Variants in MCTP1 observed in about 807,000 individuals in gnomAD.
MCTP1 encodes the protein multiple C2 and transmembrane domain containing 1.
MCTP1 carries 69 observed loss-of-function variants against 120.6 expected under a neutral mutation model. That is an observed-to-expected ratio of 0.57 (90% CI 0.47 to 0.70). The LOEUF (loss-of-function observed/expected upper bound fraction) is 0.70. MCTP1 is among the 30% of genes least tolerant of loss of function. The pLI is 0.00. For missense variants in MCTP1, 1,203 were observed against 1,248.8 expected, an observed-to-expected ratio of 0.96 and a Z score of 0.55; for synonymous variants, 529 against 493.1, an observed-to-expected ratio of 1.07 and a Z score of -0.96.
At chr5:94,932,213 TAAAAAAAAA>T (rs368203326) in intron 5 of MCTP1, among the ~76,000 whole-genome samples, 4 of 95,840 alleles carry the variant, frequency 4.2e-5, no homozygotes, top group African/African-American at 1.6e-4. Context: ...TATTCCTTTG[TAAAAAAAAA>T]AAAAAAAAAA....
In MCTP1 at chr5:95,096,756, A is replaced by T. The variant is rs1266867551; in HGVS notation, c.721-79272T>A. ...CCATAAAAGGCCTGAAATGCCTTTT[A>T]TGCCTGAAAGGGCAGGATTTTAACT... On this transcript the variant is annotated intron_variant, in intron 1 of 22. Transcript: ENST00000515393. Among the ~76,000 whole-genome samples the T allele has an allele frequency of 2.6e-5, 4 of 152,332 alleles. No individual in the cohort carries two copies. The East Asian group carries it at 7.7e-4, about 29-fold the overall frequency.
intron 12 of MCTP1, among the ~76,000 whole-genome samples, chr5:94,880,988 T>G (rs368279032): frequency 7.2e-5 from 11 of 152,260 alleles, no homozygotes; most frequent in South Asian, 6.2e-4. Flanking sequence ...ACACTGTGGA[T>G]GGCTTGCTGA....
At chr5:95,154,968 A>T (rs1337836999) in intron 1 of MCTP1, among the ~76,000 whole-genome samples, 4 of 152,152 alleles carry the variant, frequency 2.6e-5, no homozygotes, top group East Asian at 3.8e-4. Flanking sequence ...TTTATGATGA[A>T]GAGCACGGTT....
chr5:95,270,032 A>G (rs865943609), intron 1 of MCTP1, among the ~76,000 whole-genome samples: 40 of 152,222 alleles, frequency 2.6e-4, no homozygotes, highest in African/African-American at 8.7e-4. Flanking sequence ...GCTATAGAAT[A>G]TAGAAAATGA....
intron 1 of MCTP1, among the ~76,000 whole-genome samples, chr5:95,058,036 C>A (rs1747886204): frequency 6.6e-6 from 1 of 152,162 alleles, no homozygotes; most frequent in Admixed American, 6.5e-5. Context: ...AAAACCTAAC[C>A]AGGCTTCTCA....
chr5:94,840,620 A>G (rs1790808648), intron 17 of MCTP1, among the ~76,000 whole-genome samples: 1 of 152,096 alleles, frequency 6.6e-6, no homozygotes, highest in Admixed American at 6.6e-5. Context: ...AAGATCTCAC[A>G]CTTAGTAATC....
intron 2 of MCTP1, among the ~76,000 whole-genome samples, chr5:95,009,476 T>C (rs938381211): frequency 4.6e-5 from 7 of 151,946 alleles, no homozygotes; most frequent in Non-Finnish European, 7.4e-5. Flanking sequence ...CACAATTTCA[T>C]AGGGCTGCCA....
At chr5:94,827,703 T>C (rs1156801306) in intron 17 of MCTP1, among the ~76,000 whole-genome samples, 1 of 151,894 alleles carries the variant, frequency 6.6e-6, no homozygotes, top group Non-Finnish European at 1.5e-5. Flanking sequence ...TTCACTTTTT[T>C]TTCATTAAGT....
rs151182035 is a variant in MCTP1 at position 95,164,627 on chromosome 5, A to G, written c.720+119229T>C. Among the ~76,000 whole-genome samples, 232 of 152,348 alleles carry G rather than the reference A, an allele frequency of 1.5e-3. 2 individuals carry two copies. Among genetic ancestry groups the G allele is most frequent in the African/African-American group, 5.3e-3 (221 of 41,582 alleles). On this transcript the variant is annotated intron_variant, in intron 1 of 22. Transcript: ENST00000515393. ...TAATAATACATGCAATATTTGGAAC[A>G]GATTTATACTAAAATGTATTCTTAT... is the stretch of plus-strand genomic sequence containing the variant.
intron 1 of MCTP1, among the ~76,000 whole-genome samples, chr5:95,034,936 A>T (rs776330479): frequency 6.6e-6 from 1 of 152,182 alleles, no homozygotes; most frequent in Admixed American, 6.5e-5. Flanking sequence ...TTCTCAAAGG[A>T]AGATATACAA....
chr5:94,900,492 A>G (rs181675250), intron 10 of MCTP1, among the ~76,000 whole-genome samples: 162 of 152,220 alleles, frequency 1.1e-3, no homozygotes, highest in African/African-American at 3.7e-3. Context: ...CCACTTCTAT[A>G]TTGTCTCCTA....
At chr5:94,818,069 G>T (rs1784862726) in intron 17 of MCTP1, among the ~76,000 whole-genome samples, 2 of 152,126 alleles carry the variant, frequency 1.3e-5, no homozygotes, top group African/African-American at 4.8e-5. Flanking sequence ...CAGCAAAAAA[G>T]AATCTTTTTT....
chr5:95,061,725 G>A (rs947330849), intron 1 of MCTP1, among the ~76,000 whole-genome samples: 2 of 152,150 alleles, frequency 1.3e-5, no homozygotes, highest in South Asian at 2.1e-4. Flanking sequence ...GTGAGCCACC[G>A]CGCCCGGCCA....
At chr5:95,208,571 T>A (rs1751944938) in intron 1 of MCTP1, among the ~76,000 whole-genome samples, 1 of 152,086 alleles carries the variant, frequency 6.6e-6, no homozygotes, top group Non-Finnish European at 1.5e-5. Context: ...AAACTTTGGT[T>A]TTGAGGGTTT....
intron 19 of MCTP1, among the ~76,000 whole-genome samples, chr5:94,772,194 G>T (rs1346214740): frequency 6.6e-6 from 1 of 152,268 alleles, no homozygotes; most frequent in African/African-American, 2.4e-5. Flanking sequence ...AGATATAAGG[G>T]CTTGTACTTC....
intron 17 of MCTP1, among the ~76,000 whole-genome samples, chr5:94,853,806 T>G (rs1427026046): frequency 6.6e-6 from 1 of 151,896 alleles, no homozygotes; most frequent in African/African-American, 2.4e-5. Context: ...AAATACTCTG[T>G]CCACAAGGCC....
At chr5:95,003,011 G>A (rs1834022075) in intron 2 of MCTP1, among the ~76,000 whole-genome samples, 1 of 152,102 alleles carries the variant, frequency 6.6e-6, no homozygotes, top group Admixed American at 6.5e-5. Context: ...GTGATAGTGA[G>A]TTCTTATGAC....
At chr5:94,768,667 A>G (rs1238014226) in intron 19 of MCTP1, among the ~76,000 whole-genome samples, 1 of 152,200 alleles carries the variant, frequency 6.6e-6, no homozygotes, top group Non-Finnish European at 1.5e-5. Flanking sequence ...GGAGAAATGC[A>G]AACCAAAACT....
At chr5:95,067,745 A>G (rs1174479412) in intron 1 of MCTP1, among the ~76,000 whole-genome samples, 1 of 152,218 alleles carries the variant, frequency 6.6e-6, no homozygotes, top group East Asian at 1.9e-4. Context: ...CACTGTGGAA[A>G]GATTCAGTCA....
Sources: gnomAD v4.1 joint callset for allele counts (sites outside exome capture counted in the v4.1 genomes callset) on GRCh38, gnomAD v4.1.1 for gene constraint, MANE v1.5 for transcripts, NCBI Gene and HGNC (gene_info 2026-07-23, HGNC 2026-07-21) for gene names.